The following PRDM11 variants were observed in gnomAD, a reference collection of about 807,000 sequenced individuals.
PRDM11 encodes the protein PR/SET domain 11, also known as PR domain-containing protein 11.
Under a neutral mutation model 97.8 loss-of-function variants are expected in PRDM11, and 20 were observed. That is an observed-to-expected ratio of 0.20 (90% confidence interval 0.14 to 0.30). The LOEUF (loss-of-function observed/expected upper bound fraction) is 0.30, where lower values mean the gene tolerates loss of function less well. Ranked by LOEUF, PRDM11 falls within the 10% of genes least tolerant of loss-of-function variation. The pLI is 1.00. For missense variants in PRDM11, 1,139 were observed against 1,555.2 expected, an observed-to-expected ratio of 0.73 and a Z score of 4.50; for synonymous variants, 599 against 637.7, an observed-to-expected ratio of 0.94 and a Z score of 0.91.
At chr11:45,199,264 A>G (rs1853240797) in intron 4 of PRDM11, among the ~76,000 whole-genome samples, 1 of 152,160 alleles carries the variant, frequency 6.6e-6, no homozygotes, top group Non-Finnish European at 1.5e-5. Context: ...CCTCCCTGCT[A>G]GCAAATCATC....
At chr11:45,127,095 C>T (rs1426254410) in intron 1 of PRDM11, among the ~76,000 whole-genome samples, 2 of 152,192 alleles carry the variant, frequency 1.3e-5, no homozygotes, top group Non-Finnish European at 2.9e-5. Flanking sequence ...TTTCATCTGC[C>T]ATCACTGAAA....
intron 1 of PRDM11, among the ~76,000 whole-genome samples, chr11:45,119,491 G>A (rs1290501622): frequency 4.0e-5 from 6 of 151,844 alleles, no homozygotes; most frequent in African/African-American, 1.2e-4. Context: ...TTAGCCAGGC[G>A]AGGTGGAGGG....
At chr11:45,122,396 A>G (rs1852455686) in intron 1 of PRDM11, among the ~76,000 whole-genome samples, 1 of 151,810 alleles carries the variant, frequency 6.6e-6, no homozygotes, top group Non-Finnish European at 1.5e-5. Flanking sequence ...CCATGTATAC[A>G]TGTATACATG....
intron 4 of PRDM11, among the ~76,000 whole-genome samples, chr11:45,187,584 G>A (rs1852751160): frequency 6.6e-6 from 1 of 152,162 alleles, no homozygotes; most frequent in African/African-American, 2.4e-5. Flanking sequence ...TTCAGGAGGT[G>A]GGACTGGTGG....
chr11:45,142,006 C>G (rs1010819357), upstream of PRDM11, among the ~76,000 whole-genome samples: 2 of 152,030 alleles, frequency 1.3e-5, no homozygotes, highest in Non-Finnish European at 2.9e-5. Flanking sequence ...TGCTGGGAAG[C>G]CAGAAAAAAA....
intron 4 of PRDM11, among the ~76,000 whole-genome samples, chr11:45,197,963 A>G (rs917644321): frequency 3.9e-5 from 6 of 152,222 alleles, no homozygotes; most frequent in African/African-American, 1.4e-4. Flanking sequence ...TGGCACATGT[A>G]TACATATGTA....
In PRDM11 at chr11:45,153,383, T is replaced by C. The variant is rs543180534; in HGVS notation, c.-7+6506T>C. Among the ~76,000 whole-genome samples the C allele has an allele frequency of 1.2e-3, 176 of 152,370 alleles. 2 individuals carry two copies. In the South Asian group the frequency reaches 0.017, roughly 15 times the overall value. On this transcript the variant is annotated intron_variant, in intron 1 of 7. Transcript: ENST00000683152. ...AGATCTGAGCAGGAGGCTGTCCCTCTTGGAGTTACCCATTTTCTCATCTGC... is the reference window on the plus strand; with the variant it reads ...AGATCTGAGCAGGAGGCTGTCCCTCCTGGAGTTACCCATTTTCTCATCTGC...
chr11:45,181,813 TGG>T lies in PRDM11; in HGVS notation c.51_52del (p.Asp18TyrfsTer24), dbSNP rs1387594404. On this transcript the variant is annotated frameshift_variant, in exon 2 of 8. Coordinates refer to ENST00000683152, the MANE Select transcript of PRDM11 (RefSeq NM_001384648.1). LOFTEE classifies it high-confidence loss of function. The stretch of plus-strand genomic sequence containing the variant: ...TGCTTGGCCCAGACCAATGCAGCCG[TGG>T]GGGATATGGTGACGGTGGTGAAGAC... 4 of 1,612,912 alleles carry T rather than the reference TGG, an allele frequency of 2.5e-6. No individual in the cohort carries two copies. Among genetic ancestry groups the T allele is most frequent in the Non-Finnish European group, 3.4e-6 (4 of 1,179,722 alleles).
At chr11:45,094,717 A>C (rs1281976890), upstream of PRDM11, among the ~76,000 whole-genome samples, 2 of 113,972 alleles carry the variant, frequency 1.8e-5, no homozygotes, top group Non-Finnish European at 3.7e-5. Flanking sequence ...GGAGGGAGGA[A>C]AAGACGGAAG....
upstream of PRDM11, among the ~76,000 whole-genome samples, chr11:45,095,047 T>G (rs1851869951): frequency 6.6e-6 from 1 of 152,110 alleles, no homozygotes; most frequent in Non-Finnish European, 1.5e-5. Flanking sequence ...CTGGGCCGGC[T>G]GGCCTTGCCA....
upstream of PRDM11, among the ~76,000 whole-genome samples, chr11:45,142,595 G>T (rs1851428793): frequency 1.3e-5 from 2 of 152,162 alleles, no homozygotes; most frequent in African/African-American, 4.8e-5. Flanking sequence ...GGGGATAGTG[G>T]TTTGGGCCTC....
At position 45,228,265 on chromosome 11, in the gene PRDM11, T is replaced by TTATATTATATA. The variant is rs1554976394; in HGVS notation, c.*111_*112insTATATATATAT. ...ATATATTATATTATATTATATTATA[T>TTATATTATATA]TATATATATATATATATATAAACTC... On this transcript the variant is annotated 3_prime_UTR_variant, in exon 8 of 8. Coordinates refer to ENST00000683152, the MANE Select transcript of PRDM11 (RefSeq NM_001384648.1). 6 of 119,550 alleles carry TTATATTATATA rather than the reference T, an allele frequency of 5.0e-5. No individual in the cohort carries two copies. The highest frequency in any genetic ancestry group is 3.1e-4 in the Admixed American group (3 of 9,756). The allele number at this position is 119,550 out of a possible 1,614,324, so 7.4% of individuals were successfully genotyped here.
chr11:45,190,801 A>C (rs1852886097), intron 4 of PRDM11, among the ~76,000 whole-genome samples: 2 of 152,230 alleles, frequency 1.3e-5, no homozygotes, highest in Non-Finnish European at 1.5e-5. Context: ...AAATTACATA[A>C]AAATAATTTT....
Position 45,224,204 on chromosome 11 carries a change from T to C in PRDM11, c.743-13T>C. On this transcript the variant is annotated splice_polypyrimidine_tract_variant and intron_variant, in intron 6 of 7. Coordinates refer to ENST00000683152, the MANE Select transcript of PRDM11 (RefSeq NM_001384648.1). ...TTTTCCCCATTTCCTTACACCCTGGTTTTCCTTCCTAGGAGAGAAGAGGTT... is the reference window on the plus strand; with the variant it reads ...TTTTCCCCATTTCCTTACACCCTGGCTTTCCTTCCTAGGAGAGAAGAGGTT... The C allele has an allele frequency of 1.3e-6, 2 of 1,551,422 alleles. No individual in the cohort carries two copies. Among genetic ancestry groups the C allele is most frequent in the South Asian group, 2.5e-5 (2 of 79,548 alleles).
chr11:45,201,822 A>C (rs1213411814), intron 4 of PRDM11, among the ~76,000 whole-genome samples: 1 of 152,090 alleles, frequency 6.6e-6, no homozygotes, highest in Non-Finnish European at 1.5e-5. Context: ...ACACAAAAAA[A>C]ATTAGTCAGG....
At chr11:45,221,930 G>GCACTTGCT (rs1262762185) in intron 6 of PRDM11, among the ~76,000 whole-genome samples, 1 of 152,176 alleles carries the variant, frequency 6.6e-6, no homozygotes, top group Non-Finnish European at 1.5e-5. Context: ...CTGAAAGGGA[G>GCACTTGCT]ATCCCCTATG....
At chr11:45,201,412 A>T (rs1179494065) in intron 4 of PRDM11, among the ~76,000 whole-genome samples, 4 of 152,168 alleles carry the variant, frequency 2.6e-5, no homozygotes, top group Non-Finnish European at 5.9e-5. Flanking sequence ...AAATCTTAAC[A>T]TTTTATAATT....
chr11:45,172,334 G>A (rs986542341), intron 1 of PRDM11, among the ~76,000 whole-genome samples: 1 of 152,128 alleles, frequency 6.6e-6, no homozygotes, highest in Non-Finnish European at 1.5e-5. Context: ...CCCTCTTCTT[G>A]TTGCCAGAGG....
chr11:45,178,323 T>C (rs1235118015), intron 1 of PRDM11, among the ~76,000 whole-genome samples: 1 of 152,124 alleles, frequency 6.6e-6, no homozygotes, highest in Non-Finnish European at 1.5e-5. Flanking sequence ...ACTAAGGCCC[T>C]AGAAAGTGTA....
Sources: allele counts gnomAD v4.1 joint callset (sites outside exome capture counted in the v4.1 genomes callset), GRCh38; gene constraint gnomAD v4.1.1; transcripts MANE v1.5; gene names NCBI Gene and HGNC (gene_info 2026-07-23, HGNC 2026-07-21).